MGAT4C: variants seen among roughly 807,000 people sequenced by gnomAD.
MGAT4C encodes the protein alpha-1,3-mannosyl-glycoprotein 4-beta-N-acetylglucosaminyltransferase C.
A neutral mutation model predicts 40.1 loss-of-function variants in MGAT4C; 19 were observed. That is an observed-to-expected ratio of 0.47 (90% CI 0.33 to 0.70). The LOEUF is 0.70. Ranked by LOEUF, MGAT4C falls within the 30% of genes least tolerant of loss-of-function variation. MGAT4C has a pLI of 0.02. For synonymous variants in MGAT4C, 181 were observed against 187.1 expected (o/e 0.97, Z 0.27); for missense variants, 491 against 563.2 (o/e 0.87, Z 1.30).
intron 1 of MGAT4C, among the ~76,000 whole-genome samples, chr12:86,741,882 G>C (rs1302956940): frequency 5.9e-5 from 9 of 151,304 alleles, no homozygotes; most frequent in African/African-American, 2.2e-4. Flanking sequence ...CTCCTCCATA[G>C]TTTTAGACTA....
intron 1 of MGAT4C, among the ~76,000 whole-genome samples, chr12:86,224,079 A>G (rs2135994999): frequency 6.6e-6 from 1 of 152,284 alleles, no homozygotes; most frequent in African/African-American, 2.4e-5. Flanking sequence ...TACTAACACT[A>G]TGGCCAACAA....
intron 2 of MGAT4C, among the ~76,000 whole-genome samples, chr12:86,480,662 A>G (rs1957923217): frequency 6.6e-6 from 1 of 151,500 alleles, no homozygotes. Flanking sequence ...ATATGTACGT[A>G]TGTGTGTATA....
intron 1 of MGAT4C, among the ~76,000 whole-genome samples, chr12:86,064,383 A>G (rs945140283): frequency 2.0e-5 from 3 of 152,216 alleles, no homozygotes; most frequent in Admixed American, 6.5e-5. Flanking sequence ...ACGTCTCAAA[A>G]AAAAGAAATA....
At chr12:86,619,693 C>A (rs1332277457) in intron 2 of MGAT4C, among the ~76,000 whole-genome samples, 1 of 151,624 alleles carries the variant, frequency 6.6e-6, no homozygotes, top group Admixed American at 6.6e-5. Flanking sequence ...TTAGTTTATT[C>A]TTTTGAAAGA....
chr12:86,333,772 A>G (rs1434167271), intron 4 of MGAT4C, among the ~76,000 whole-genome samples: 3 of 152,216 alleles, frequency 2.0e-5, no homozygotes, highest in African/African-American at 7.2e-5. Context: ...TACACACTTT[A>G]TCAACCATAA....
chr12:86,798,968 T>C (rs1306788979), intron 1 of MGAT4C, among the ~76,000 whole-genome samples: 1 of 151,902 alleles, frequency 6.6e-6, no homozygotes, highest in Admixed American at 6.6e-5. Context: ...GGCCACTTTA[T>C]AGAAGGGACC....
At chr12:86,135,593 A>G (rs1188452574) in intron 1 of MGAT4C, among the ~76,000 whole-genome samples, 3 of 152,176 alleles carry the variant, frequency 2.0e-5, no homozygotes, top group Non-Finnish European at 4.4e-5. Context: ...TATGAACTAT[A>G]CCTGCCTTCT....
intron 1 of MGAT4C, among the ~76,000 whole-genome samples, chr12:86,778,121 C>T (rs1355825780): frequency 6.6e-6 from 1 of 152,058 alleles, no homozygotes; most frequent in Non-Finnish European, 1.5e-5. Flanking sequence ...AAGCAGCTTT[C>T]TATCATATAA....
At chr12:86,284,162 A>T (rs1436800689) in intron 4 of MGAT4C, among the ~76,000 whole-genome samples, 2 of 152,030 alleles carry the variant, frequency 1.3e-5, no homozygotes, top group Non-Finnish European at 2.9e-5. Context: ...AATATAAATC[A>T]ATGATTCTAT....
At chr12:86,775,840 TA>T (rs1332259087) in intron 1 of MGAT4C, among the ~76,000 whole-genome samples, 1 of 133,758 alleles carries the variant, frequency 7.5e-6, no homozygotes, top group Non-Finnish European at 1.7e-5. Flanking sequence ...TCTTCTTTTT[TA>T]CCCTGAAATA....
chr12:86,515,014 G>A (rs955896999), intron 2 of MGAT4C, among the ~76,000 whole-genome samples: 1 of 152,130 alleles, frequency 6.6e-6, no homozygotes, highest in Non-Finnish European at 1.5e-5. Context: ...TAGCAAATTT[G>A]TGTTAAAAGA....
At chr12:86,661,484 ATAT>A (rs1963978586) in intron 2 of MGAT4C, among the ~76,000 whole-genome samples, 1 of 152,158 alleles carries the variant, frequency 6.6e-6, no homozygotes, top group South Asian at 2.1e-4. Flanking sequence ...TAACTACAAA[ATAT>A]AAAACTGTAT....
intron 1 of MGAT4C, among the ~76,000 whole-genome samples, chr12:86,160,739 ATAAATCTGGGTG>A (rs1170370510): frequency 1.5e-4 from 23 of 152,096 alleles, no homozygotes; most frequent in African/African-American, 5.6e-4. Context: ...AAGTTGTTTT[ATAAATCTGGGTG>A]CTCCAATGTT....
At chr12:86,431,772 C>A (rs1293497324) in intron 3 of MGAT4C, among the ~76,000 whole-genome samples, 2 of 152,148 alleles carry the variant, frequency 1.3e-5, no homozygotes, top group Non-Finnish European at 2.9e-5. Flanking sequence ...GGGTATCATG[C>A]CACTTTCTAT....
At chr12:86,329,789 C>T (rs1178084900) in intron 4 of MGAT4C, among the ~76,000 whole-genome samples, 1 of 152,124 alleles carries the variant, frequency 6.6e-6, no homozygotes, top group Non-Finnish European at 1.5e-5. Context: ...TATTAAATTT[C>T]CCCACTGTGT....
chr12:86,071,594 A>C (rs552848253), intron 1 of MGAT4C, among the ~76,000 whole-genome samples: 9 of 152,228 alleles, frequency 5.9e-5, no homozygotes, highest in Non-Finnish European at 1.2e-4. Context: ...TTCACATGTA[A>C]CATAACACTA....
At chr12:86,376,213 CAT>C (rs1273775258) in intron 3 of MGAT4C, among the ~76,000 whole-genome samples, 1 of 118,904 alleles carries the variant, frequency 8.4e-6, no homozygotes, top group Non-Finnish European at 1.7e-5. Flanking sequence ...GGAGATAACA[CAT>C]GTCAAAAAAA....
intron 1 of MGAT4C, among the ~76,000 whole-genome samples, chr12:86,235,537 C>G (rs1046977950): frequency 1.3e-5 from 2 of 151,978 alleles, no homozygotes; most frequent in East Asian, 3.9e-4. Context: ...TCACTTAACT[C>G]AATGCTATTG....
At chr12:86,583,442 T>C (rs1401501454) in intron 2 of MGAT4C, among the ~76,000 whole-genome samples, 1 of 151,476 alleles carries the variant, frequency 6.6e-6, no homozygotes, top group African/African-American at 2.4e-5. Context: ...CTTTCAGACT[T>C]AGTGCTTTAT....
Sources: allele counts gnomAD v4.1 joint callset (sites outside exome capture counted in the v4.1 genomes callset), GRCh38; gene constraint gnomAD v4.1.1; transcripts MANE v1.5; gene names NCBI Gene and HGNC (gene_info 2026-07-23, HGNC 2026-07-21).